Variants in TAOK3 observed in about 807,000 individuals in gnomAD.
TAOK3 encodes the protein TAO kinase 3.
TAOK3 carries 40 observed loss-of-function variants against 120.4 expected under a neutral mutation model. That is an observed-to-expected ratio of 0.33 (90% CI 0.26 to 0.43). TAOK3 has a LOEUF of 0.43. TAOK3 is among the 20% of genes least tolerant of loss of function. The probability of loss-of-function intolerance (pLI) is 1.00; values close to 1 mark genes in which losing one functional copy is unlikely to be tolerated. For missense variants in TAOK3, 821 were observed against 1,112.1 expected, an observed-to-expected ratio of 0.74 and a Z score of 3.72; for synonymous variants, 355 against 387.5, an observed-to-expected ratio of 0.92 and a Z score of 0.99.
At chr12:118,314,783 T>A (rs559528111) in intron 1 of TAOK3, among the ~76,000 whole-genome samples, 2 of 152,266 alleles carry the variant, frequency 1.3e-5, no homozygotes, top group South Asian at 4.1e-4. Context: ...TCAATTATTA[T>A]CAAGACCAGG....
Position 118,246,456 on chromosome 12 carries a change from A to G in TAOK3, c.121-1491T>C. ...CCGTGCCAGCCAGCGCACCAGGTTCAAGGCGTTTGTTGCTATCGGGGACTA... is the reference window on the plus strand; with the variant it reads ...CCGTGCCAGCCAGCGCACCAGGTTCGAGGCGTTTGTTGCTATCGGGGACTA... On this transcript the variant is annotated intron_variant, in intron 3 of 20. Transcript: ENST00000392533. 2.0e-6 allele frequency: 3 copies of G among 1,490,804 alleles called. No individual in the cohort carries two copies. The South Asian group carries it at 3.5e-5, about 17-fold the overall frequency. The allele number at this position is 1,490,804 out of a possible 1,614,324, so 92.3% of individuals were successfully genotyped here. A position where few individuals can be genotyped will look rare whatever the true frequency, so the allele number is the denominator to read the frequency against.
chr12:118,245,626 T>C (rs569875336), intron 3 of TAOK3, among the ~76,000 whole-genome samples: 6 of 152,158 alleles, frequency 3.9e-5, no homozygotes, highest in Non-Finnish European at 8.8e-5. Context: ...CCTCATATTA[T>C]ATTTAAAATA....
At position 118,266,946 on chromosome 12, in the gene TAOK3, A is replaced by G. The variant is rs189415915; in HGVS notation, c.-193-187T>C. Among the ~76,000 whole-genome samples the G allele has an allele frequency of 1.6e-4, 25 of 152,332 alleles. No homozygotes were observed. In the East Asian group the frequency reaches 4.4e-3, roughly 27 times the overall value. Reference sequence around the variant, plus strand: ...ACAAAGATGCAAGCTACTCTTTCACAGGCAATATCTGGGAAACAAATGTGT... The same window carrying G: ...ACAAAGATGCAAGCTACTCTTTCACGGGCAATATCTGGGAAACAAATGTGT... On this transcript the variant is annotated intron_variant, in intron 1 of 20. Transcript: ENST00000392533.
intron 9 of TAOK3, among the ~76,000 whole-genome samples, chr12:118,214,478 T>C (rs2038783506): frequency 6.6e-6 from 1 of 151,984 alleles, no homozygotes; most frequent in African/African-American, 2.4e-5. Flanking sequence ...GAAGTCTGGG[T>C]ATTTGGTGAA....
intron 11 of TAOK3, among the ~76,000 whole-genome samples, chr12:118,206,179 A>G (rs893782076): frequency 2.0e-5 from 3 of 152,214 alleles, no homozygotes; most frequent in African/African-American, 4.8e-5. Context: ...CAGCCATTTT[A>G]TGACAAAGAC....
chr12:118,355,637 G>T (rs1287939414), intron 1 of TAOK3, among the ~76,000 whole-genome samples: 1 of 152,086 alleles, frequency 6.6e-6, no homozygotes, highest in Admixed American at 6.5e-5. Flanking sequence ...TTATAACGCT[G>T]ATTTTATTAT....
At chr12:118,312,059 T>G (rs2043284307) in intron 1 of TAOK3, among the ~76,000 whole-genome samples, 1 of 152,182 alleles carries the variant, frequency 6.6e-6, no homozygotes. Flanking sequence ...ATAAAGTTTT[T>G]AAAAACTAGA....
At chr12:118,280,699 T>C (rs374610931) in intron 1 of TAOK3, among the ~76,000 whole-genome samples, 6 of 152,248 alleles carry the variant, frequency 3.9e-5, no homozygotes, top group Admixed American at 2.6e-4. Context: ...TGGTTGCATA[T>C]GAATTTTAAA....
In TAOK3 at chr12:118,189,879, G is replaced by T. The variant is rs763156219; in HGVS notation, c.1257C>A (p.Thr419=). The change falls in exon 14 of 21, where the codon ACC becomes ACA. Residue 419 remains threonine (T), a synonymous_variant. Transcript: ENST00000392533. ...HGDPRPEPRP[T]QSVQSQALHY... ...GGAGGGCCTGGCTCTGAACTGACTG[G>T]GTAGGCCGCGGCTCAGGCCTGGGAT... is the stretch of plus-strand genomic sequence containing the variant. 4.3e-6 allele frequency: 7 copies of T among 1,614,036 alleles called. No individual in the cohort carries two copies. The Admixed American group carries it at 1.2e-4, about 27-fold the overall frequency.
intron 9 of TAOK3, among the ~76,000 whole-genome samples, chr12:118,227,946 T>A (rs2139752274): frequency 6.6e-6 from 1 of 152,324 alleles, no homozygotes; most frequent in South Asian, 2.1e-4. Flanking sequence ...TATTCAATAT[T>A]TAAAATGTGT....
At chr12:118,323,292 A>G (rs916004102) in intron 1 of TAOK3, among the ~76,000 whole-genome samples, 4 of 152,238 alleles carry the variant, frequency 2.6e-5, no homozygotes, top group Non-Finnish European at 4.4e-5. Flanking sequence ...AAATACACAT[A>G]GATATTTAAT....
At chr12:118,274,797 T>A in intron 1 of TAOK3, among the ~76,000 whole-genome samples, 1 of 136,554 alleles carries the variant, frequency 7.3e-6, no homozygotes, top group Non-Finnish European at 1.5e-5. Flanking sequence ...CCCTGTTAAT[T>A]TTTTTTTTTT....
intron 1 of TAOK3, among the ~76,000 whole-genome samples, chr12:118,353,454 T>A (rs1394347635): frequency 6.6e-6 from 1 of 151,918 alleles, no homozygotes; most frequent in African/African-American, 2.4e-5. Context: ...TGAAGCTGGA[T>A]AAATAGTGTA....
chr12:118,181,306 T>G (rs1196946372), intron 15 of TAOK3, 65 bp downstream of exon 15: 3 of 1,386,096 alleles, frequency 2.2e-6, no homozygotes, highest in Non-Finnish European at 3.0e-6. Flanking sequence ...CTTGCTAACA[T>G]CCTGCCACTG....
chr12:118,319,627 C>T (rs1056720669), intron 1 of TAOK3, among the ~76,000 whole-genome samples: 2 of 151,840 alleles, frequency 1.3e-5, no homozygotes, highest in Admixed American at 6.6e-5. Context: ...TAGGGAAATG[C>T]AAAACCACGA....
intron 9 of TAOK3, among the ~76,000 whole-genome samples, chr12:118,232,405 A>G (rs1056384426): frequency 1.3e-5 from 2 of 152,226 alleles, no homozygotes; most frequent in Admixed American, 1.3e-4. Flanking sequence ...ACAGTTTTAG[A>G]GTCAGATCCC....
intron 10 of TAOK3, among the ~76,000 whole-genome samples, chr12:118,213,281 A>C (rs569941995): frequency 6.6e-6 from 1 of 152,248 alleles, no homozygotes; most frequent in Admixed American, 6.5e-5. Context: ...TGTTTAAATA[A>C]AAGTTTTATA....
At chr12:118,318,579 C>T (rs1022101425) in intron 1 of TAOK3, among the ~76,000 whole-genome samples, 1 of 152,106 alleles carries the variant, frequency 6.6e-6, no homozygotes, top group African/African-American at 2.4e-5. Flanking sequence ...AGACAAAAGA[C>T]TGAGTGTTGG....
chr12:118,154,183 C>T (rs1410182728), intron 19 of TAOK3, among the ~76,000 whole-genome samples: 1 of 152,182 alleles, frequency 6.6e-6, no homozygotes, highest in Non-Finnish European at 1.5e-5. Context: ...TACTTGTCTG[C>T]ATTAGTTGCT....
Sources: gnomAD v4.1 joint callset for allele counts (sites outside exome capture counted in the v4.1 genomes callset) on GRCh38, gnomAD v4.1.1 for gene constraint, MANE v1.5 for transcripts, NCBI Gene and HGNC (gene_info 2026-07-23, HGNC 2026-07-21) for gene names.